Variants in ZNF148 observed in about 807,000 individuals in gnomAD.
ZNF148 encodes the protein zinc finger protein 148.
Under a neutral mutation model 67.7 loss-of-function variants are expected in ZNF148, and 7 were observed. The ratio of observed to expected loss-of-function variants is 0.10; its 90% CI spans 0.06 to 0.19. The LOEUF is 0.19. Among genes scored for constraint, ZNF148 ranks in the 10% least tolerant of loss-of-function variants. ZNF148 has a pLI of 1.00. For missense variants in ZNF148, 583 were observed against 947.1 expected, an observed-to-expected ratio of 0.62 and a Z score of 5.05; for synonymous variants, 333 against 330.7, an observed-to-expected ratio of 1.01 and a Z score of -0.08.
intron 3 of ZNF148, among the ~76,000 whole-genome samples, chr3:125,322,523 A>G (rs1427835879): frequency 1.3e-5 from 2 of 152,064 alleles, no homozygotes; most frequent in East Asian, 3.9e-4. Context: ...AGTGAAAGTG[A>G]TATACACAAA....
At chr3:125,264,624 T>C (rs1937488191) in intron 7 of ZNF148, among the ~76,000 whole-genome samples, 1 of 152,226 alleles carries the variant, frequency 6.6e-6, no homozygotes. Flanking sequence ...AAAAAAAGTT[T>C]AAAAGCCATT....
At position 125,331,148 on chromosome 3, in the gene ZNF148, G is replaced by A; in HGVS notation, c.-153+10C>T. The A allele has an allele frequency of 2.5e-6, 1 of 398,548 alleles. No individual in the cohort carries two copies. Among genetic ancestry groups the A allele is most frequent in the Non-Finnish European group, 4.4e-6 (1 of 226,040 alleles). The allele number at this position is 398,548 out of a possible 1,614,324, so 24.7% of individuals were successfully genotyped here. On this transcript the variant is annotated intron_variant, in intron 2 of 8. Coordinates refer to ENST00000360647, the MANE Select transcript of ZNF148 (RefSeq NM_021964.3). ...AAAATTAAAGATTGACTCAAAGAATGCTGAATTACCTCCATTAAATACGTT... is the reference window on the plus strand; with the variant it reads ...AAAATTAAAGATTGACTCAAAGAATACTGAATTACCTCCATTAAATACGTT...
At chr3:125,252,582 G>A (rs575227361) in intron 7 of ZNF148, among the ~76,000 whole-genome samples, 6 of 151,984 alleles carry the variant, frequency 3.9e-5, no homozygotes, top group African/African-American at 1.4e-4. Context: ...CTCTTGGCCA[G>A]CATGATGAAA....
intron 7 of ZNF148, among the ~76,000 whole-genome samples, chr3:125,251,767 G>A (rs1401528678): frequency 1.6e-4 from 25 of 152,116 alleles, no homozygotes; most frequent in South Asian, 4.1e-4. Flanking sequence ...CTGCTTAAAT[G>A]TTCTTATCCT....
At chr3:125,307,469 A>AT (rs1456538904) in intron 4 of ZNF148, among the ~76,000 whole-genome samples, 3 of 152,032 alleles carry the variant, frequency 2.0e-5, no homozygotes, top group Non-Finnish European at 4.4e-5. Flanking sequence ...CGCCCGGCTA[A>AT]TTTTTTGTAT....
chr3:125,248,398 A>G (rs1936696078), intron 7 of ZNF148, among the ~76,000 whole-genome samples: 1 of 152,190 alleles, frequency 6.6e-6, no homozygotes, highest in Non-Finnish European at 1.5e-5. Flanking sequence ...CCCATAATGG[A>G]CTTACCAAAT....
intron 3 of ZNF148, among the ~76,000 whole-genome samples, chr3:125,316,711 A>G (rs1274765085): frequency 1.3e-5 from 2 of 151,930 alleles, no homozygotes; most frequent in Non-Finnish European, 2.9e-5. Flanking sequence ...TTTTTTTCCT[A>G]TAGAGTTGTT....
chr3:125,354,238 A>G (rs1468423399), intron 1 of ZNF148, among the ~76,000 whole-genome samples: 3 of 151,988 alleles, frequency 2.0e-5, no homozygotes, highest in African/African-American at 4.8e-5. Context: ...CTTTGCTCAT[A>G]TTGTCTTTTT....
chr3:125,314,696 T>C (rs1940397739), intron 3 of ZNF148, among the ~76,000 whole-genome samples: 1 of 152,210 alleles, frequency 6.6e-6, no homozygotes, highest in Non-Finnish European at 1.5e-5. Context: ...CTAGAATATA[T>C]ACAGTATATC....
At chr3:125,280,851 C>A (rs1303092211) in intron 5 of ZNF148, among the ~76,000 whole-genome samples, 1 of 146,722 alleles carries the variant, frequency 6.8e-6, no homozygotes, top group Non-Finnish European at 1.5e-5. Flanking sequence ...GAGAGGGAAA[C>A]AATGCTGTAG....
intron 7 of ZNF148, among the ~76,000 whole-genome samples, chr3:125,259,509 C>T (rs1937240523): frequency 6.6e-6 from 1 of 152,126 alleles, no homozygotes; most frequent in Non-Finnish European, 1.5e-5. Context: ...CAGACAACCA[C>T]AATAAAGCTA....
chr3:125,363,937 CTG>C (rs1227594744), intron 1 of ZNF148, among the ~76,000 whole-genome samples: 3 of 152,224 alleles, frequency 2.0e-5, no homozygotes, highest in Non-Finnish European at 4.4e-5. Flanking sequence ...GCATAAGCCA[CTG>C]TGTCCAGCCT....
rs981307218 is a variant in ZNF148 at position 125,225,896 on chromosome 3, A to T, written c.*6445T>A. 6.6e-6 allele frequency: 1 copy of T among 152,194 alleles called. No individual in the cohort carries two copies. The highest frequency in any genetic ancestry group is 2.4e-5 in the African/African-American group (1 of 41,430). 9.4% of individuals were successfully genotyped at this position (152,194 alleles called of 1,614,324 possible). The stretch of plus-strand genomic sequence containing the variant: ...CTAGGACTGATCATTGCGAGGGCCA[A>T]TTAGTTTAAATTTGTTCCATGGACC... On this transcript the variant is annotated 3_prime_UTR_variant, in exon 9 of 9. Coordinates refer to ENST00000360647, the MANE Select transcript of ZNF148 (RefSeq NM_021964.3).
rs1207684865 is a variant in ZNF148, at chr3:125,228,456, A to G, written c.*3885T>C. ...TTAAAGATAATCATTATTAAATGAA[A>G]TAAGGATAATTAATAACTCTGAAAT... On this transcript the variant is annotated 3_prime_UTR_variant, in exon 9 of 9. Transcript: ENST00000360647. The G allele has an allele frequency of 6.6e-6, 1 of 152,644 alleles. No homozygotes were observed. The highest frequency in any genetic ancestry group is 2.4e-5 in the African/African-American group (1 of 41,462). 9.5% of individuals were successfully genotyped at this position (152,644 alleles called of 1,614,324 possible). A position where few individuals can be genotyped will look rare whatever the true frequency, so the allele number is the denominator to read the frequency against.
At chr3:125,337,474 C>T (rs1941546277) in intron 1 of ZNF148, among the ~76,000 whole-genome samples, 1 of 152,076 alleles carries the variant, frequency 6.6e-6, no homozygotes, top group African/African-American at 2.4e-5. Context: ...AGTAAGCCAC[C>T]AAACTTAAGG....
intron 5 of ZNF148, among the ~76,000 whole-genome samples, chr3:125,287,535 A>G (rs572231199): frequency 1.0e-3 from 156 of 152,298 alleles, no homozygotes; most frequent in Non-Finnish European, 2.0e-3. Context: ...GCTACTCAGG[A>G]GGCTGAGGGA....
chr3:125,371,658 CAAAA>C (rs34843090), intron 1 of ZNF148, among the ~76,000 whole-genome samples: 5 of 51,184 alleles, frequency 9.8e-5, no homozygotes, highest in Admixed American at 2.1e-4. Flanking sequence ...GACTCCGTCC[CAAAA>C]AAAAAAAAAA....
intron 4 of ZNF148, among the ~76,000 whole-genome samples, chr3:125,306,579 G>A (rs1939889991): frequency 6.6e-6 from 1 of 152,078 alleles, no homozygotes. Context: ...GCCTACTTAT[G>A]TTTTTTTAAA....
chr3:125,308,140 T>C (rs1383413633), intron 4 of ZNF148, among the ~76,000 whole-genome samples: 6 of 152,072 alleles, frequency 3.9e-5, no homozygotes, highest in Admixed American at 3.9e-4. Context: ...AATACAATAG[T>C]GAAGAAACCT....
Sources: allele counts gnomAD v4.1 joint callset (sites outside exome capture counted in the v4.1 genomes callset), GRCh38; gene constraint gnomAD v4.1.1; transcripts MANE v1.5; gene names NCBI Gene and HGNC (gene_info 2026-07-23, HGNC 2026-07-21).